Variants in SNTG1 observed in about 807,000 individuals in gnomAD.
SNTG1 encodes gamma-1-syntrophin.
A neutral mutation model predicts 74.7 loss-of-function variants in SNTG1; 39 were observed. The observed-to-expected ratio is 0.52, with a 90% CI of 0.40 to 0.68. SNTG1 has a LOEUF of 0.68. Ranked by LOEUF, SNTG1 falls within the 30% of genes least tolerant of loss-of-function variation. SNTG1 has a pLI of 0.00. For missense variants in SNTG1, 685 were observed against 609.5 expected, an observed-to-expected ratio of 1.12 and a Z score of -1.30; for synonymous variants, 254 against 217.1, an observed-to-expected ratio of 1.17 and a Z score of -1.49.
rs542208648 is a variant in SNTG1 at position 50,381,697 on chromosome 8, T to C, written c.-27-12515T>C. On this transcript the variant is annotated intron_variant, in intron 2 of 18. Transcript: ENST00000642720. ...ATATATATAGGATATATATATCCTA[T>C]TAGTTATATATATATATAGGATATA... 2.7e-3 allele frequency among the ~76,000 whole-genome samples: 378 copies of C among 139,952 alleles called. 8 individuals carry two copies. The highest frequency in any genetic ancestry group is 9.4e-3 in the African/African-American group (359 of 38,140). 91.8% of individuals were successfully genotyped at this position (139,952 alleles called of 152,430 possible). A position where few individuals can be genotyped will look rare whatever the true frequency, so the allele number is the denominator to read the frequency against.
At chr8:50,041,709 C>G (rs927972958) in intron 1 of SNTG1, among the ~76,000 whole-genome samples, 10 of 152,150 alleles carry the variant, frequency 6.6e-5, no homozygotes, top group Non-Finnish European at 1.2e-4. Context: ...GACAACATCC[C>G]CTTTTGATTC....
At chr8:50,573,149 G>T (rs543443239) in intron 12 of SNTG1, among the ~76,000 whole-genome samples, 36 of 152,088 alleles carry the variant, frequency 2.4e-4, no homozygotes, top group Admixed American at 2.2e-3. Context: ...TCAGAAAAGA[G>T]GAATATTTTT....
chr8:50,422,924 C>T (rs184651501), intron 4 of SNTG1, among the ~76,000 whole-genome samples: 52 of 152,180 alleles, frequency 3.4e-4, no homozygotes, highest in Non-Finnish European at 7.1e-4. Flanking sequence ...AAACTATAAC[C>T]TAAATAGCTT....
chr8:50,035,650 TTGAGATTCCAAA>T (rs1274211665), intron 1 of SNTG1, among the ~76,000 whole-genome samples: 23 of 152,286 alleles, frequency 1.5e-4, no homozygotes, highest in African/African-American at 5.3e-4. Context: ...CATTTATCAG[TTGAGATTCCAAA>T]TTCAGGCAAA....
intron 17 of SNTG1, among the ~76,000 whole-genome samples, chr8:50,737,513 T>C (rs1194015548): frequency 6.6e-6 from 1 of 152,078 alleles, no homozygotes; most frequent in Non-Finnish European, 1.5e-5. Context: ...CTTCTGAAAG[T>C]ATTCCAAAAA....
intron 11 of SNTG1, among the ~76,000 whole-genome samples, chr8:50,549,726 A>C (rs189412221): frequency 3.3e-4 from 50 of 152,148 alleles, no homozygotes; most frequent in African/African-American, 1.2e-3. Context: ...ATTTCTTTGG[A>C]TATACTATGT....
chr8:50,729,490 G>A (rs928632772), intron 17 of SNTG1, among the ~76,000 whole-genome samples: 18 of 152,176 alleles, frequency 1.2e-4, no homozygotes, highest in Non-Finnish European at 2.9e-5. Flanking sequence ...CACTTCTAAT[G>A]TCATAGAGTT....
chr8:50,318,053 G>C (rs1052020891), intron 2 of SNTG1, among the ~76,000 whole-genome samples: 1 of 151,994 alleles, frequency 6.6e-6, no homozygotes, highest in Non-Finnish European at 1.5e-5. Context: ...AGCCAGGAAG[G>C]TCTCGATCTC....
chr8:49,952,433 A>T (rs1266093212), intron 1 of SNTG1, among the ~76,000 whole-genome samples: 1 of 152,168 alleles, frequency 6.6e-6, no homozygotes, highest in Non-Finnish European at 1.5e-5. Context: ...CACAGAAGAG[A>T]AACAACTCAC....
At chr8:50,435,375 G>A (rs536438168) in intron 4 of SNTG1, among the ~76,000 whole-genome samples, 3 of 152,224 alleles carry the variant, frequency 2.0e-5, no homozygotes, top group Non-Finnish European at 4.4e-5. Flanking sequence ...CAGTCTTTAC[G>A]ACACTCATGA....
intron 1 of SNTG1, among the ~76,000 whole-genome samples, chr8:50,058,985 T>C (rs768304195): frequency 2.0e-4 from 30 of 152,118 alleles, no homozygotes; most frequent in Non-Finnish European, 3.1e-4. Context: ...GTTGTATAAA[T>C]TCAATCATAC....
chr8:50,490,754 C>T (rs1443202756), intron 8 of SNTG1: 1 of 152,368 alleles, frequency 6.6e-6, no homozygotes, highest in Non-Finnish European at 1.5e-5. Context: ...AGCGGGACTT[C>T]CTCAGCCTCT....
At chr8:50,787,791 A>C (rs192993273) in intron 18 of SNTG1, among the ~76,000 whole-genome samples, 3 of 152,166 alleles carry the variant, frequency 2.0e-5, no homozygotes, top group African/African-American at 4.8e-5. Flanking sequence ...TGTCCACAAA[A>C]AGCAAACCCA....
rs542234967 is a variant in SNTG1, at chr8:50,675,502, T to G, written c.1038+16839T>G. ...TGCAACCCCTACTTTTTTTTTTCCA[T>G]CTCCTTGGTAAATTTTCTTCCATCC... On this transcript the variant is annotated intron_variant, in intron 15 of 18. Transcript: ENST00000642720. Among the ~76,000 whole-genome samples, 12 of 152,004 alleles carry G rather than the reference T, an allele frequency of 7.9e-5. No individual in the cohort carries two copies. The South Asian group carries it at 2.5e-3, about 31-fold the overall frequency.
chr8:50,466,317 T>C (rs756648748), intron 8 of SNTG1, among the ~76,000 whole-genome samples: 5 of 152,118 alleles, frequency 3.3e-5, no homozygotes, highest in Non-Finnish European at 7.4e-5. Flanking sequence ...CAATTTCCCA[T>C]TGAATTGCCA....
intron 9 of SNTG1, among the ~76,000 whole-genome samples, chr8:50,503,315 T>G (rs1416792592): frequency 2.0e-5 from 3 of 152,204 alleles, no homozygotes; most frequent in African/African-American, 7.2e-5. Flanking sequence ...TAGAACTACT[T>G]AAAAAGTTAT....
chr8:50,178,089 C>T lies in SNTG1; in HGVS notation c.-28+5454C>T, dbSNP rs150842540. ...AAATATGGCATTCTGTGGTATACTC[C>T]GATTTATTTATTCATTCGTCTTCTG... is the stretch of plus-strand genomic sequence containing the variant. On this transcript the variant is annotated intron_variant, in intron 2 of 18. Coordinates refer to ENST00000642720, the MANE Select transcript of SNTG1 (RefSeq NM_018967.5). Among the ~76,000 whole-genome samples the T allele has an allele frequency of 4.1e-3, 621 of 152,140 alleles. 9 individuals carry two copies. The highest frequency in any genetic ancestry group is 0.014 in the African/African-American group (592 of 41,498).
chr8:50,102,941 C>G (rs2080202959), intron 1 of SNTG1, among the ~76,000 whole-genome samples: 1 of 150,934 alleles, frequency 6.6e-6, no homozygotes, highest in Admixed American at 6.6e-5. Context: ...GTACCAGTAC[C>G]ATGCTGTTTT....
At chr8:50,024,566 G>A (rs939510109) in intron 1 of SNTG1, among the ~76,000 whole-genome samples, 1 of 152,044 alleles carries the variant, frequency 6.6e-6, no homozygotes, top group African/African-American at 2.4e-5. Context: ...ACTTCCAGTG[G>A]GTGCCTGAAA....
Sources: gnomAD v4.1 joint callset for allele counts (sites outside exome capture counted in the v4.1 genomes callset) on GRCh38, gnomAD v4.1.1 for gene constraint, MANE v1.5 for transcripts, NCBI Gene and HGNC (gene_info 2026-07-23, HGNC 2026-07-21) for gene names.